SEC24B: variants seen among roughly 807,000 people sequenced by gnomAD.
The protein encoded by SEC24B is protein transport protein Sec24B.
SEC24B carries 45 observed loss-of-function variants against 142.8 expected under a neutral mutation model. The observed-to-expected ratio is 0.32, with a 90% CI of 0.25 to 0.40. The LOEUF is 0.40. SEC24B is among the 10% of genes least tolerant of loss of function. SEC24B has a pLI of 1.00. For synonymous variants in SEC24B, 574 were observed against 568.2 expected (o/e 1.01, Z -0.15); for missense variants, 1,409 against 1,526.8 (o/e 0.92, Z 1.29).
intron 1 of SEC24B, among the ~76,000 whole-genome samples, chr4:109,444,080 G>T (rs1394224793): frequency 1.3e-5 from 2 of 151,952 alleles, no homozygotes; most frequent in Non-Finnish European, 2.9e-5. Flanking sequence ...AAACTAGCTG[G>T]GTGTAGTGGC....
intron 18 of SEC24B, among the ~76,000 whole-genome samples, chr4:109,529,819 G>A (rs1007785145): frequency 6.6e-5 from 10 of 152,150 alleles, no homozygotes; most frequent in African/African-American, 2.4e-4. Flanking sequence ...CTGCAGCTTC[G>A]ACCTCCCAGG....
rs1487734673 is a variant in SEC24B, at chr4:109,540,090, TGTTA to T, written c.*416_*419del. On this transcript the variant is annotated 3_prime_UTR_variant, in exon 24 of 24. Transcript: ENST00000265175. ...GAGATGCCAAAAGGCATTGGTACCG[TGTTA>T]TTTGTTTATATGAATTACTTTTTAA... 1 of 153,966 alleles carries T rather than the reference TGTTA, an allele frequency of 6.5e-6. No individual in the cohort carries two copies. The highest frequency in any genetic ancestry group is 2.4e-5 in the African/African-American group (1 of 41,508). 9.5% of individuals were successfully genotyped at this position (153,966 alleles called of 1,614,324 possible). A position where few individuals can be genotyped will look rare whatever the true frequency, so the allele number is the denominator to read the frequency against.
chr4:109,441,366 A>G (rs1315842595), intron 1 of SEC24B, among the ~76,000 whole-genome samples: 1 of 152,318 alleles, frequency 6.6e-6, no homozygotes. Context: ...TGAGAAGCAT[A>G]TCAGATTATA....
At chr4:109,446,799 A>G (rs192734071) in intron 1 of SEC24B, among the ~76,000 whole-genome samples, 3 of 152,326 alleles carry the variant, frequency 2.0e-5, no homozygotes, top group Admixed American at 6.5e-5. Flanking sequence ...TTATTGATAC[A>G]TTGTGATAAG....
Position 109,494,799 on chromosome 4 carries a change from T to A in SEC24B, c.1431T>A (p.Leu477=). ...GTTATCAGAATGCTACAGCACCACT[T>A]ATTTCTGGAGTACAGCCCAGTAACC... ...QPGYQNATAP[L]ISGVQPSNPV... Residue 477 remains leucine, a synonymous_variant, in exon 6 of 24, where the codon CTT becomes CTA. Transcript: ENST00000265175. The A allele has an allele frequency of 6.2e-7, 1 of 1,614,164 alleles. No homozygotes were observed. The highest frequency in any genetic ancestry group is 8.5e-7 in the Non-Finnish European group (1 of 1,179,996).
intron 4 of SEC24B, among the ~76,000 whole-genome samples, chr4:109,485,671 G>A (rs752073350): frequency 1.2e-4 from 19 of 152,004 alleles, no homozygotes; most frequent in Admixed American, 2.0e-4. Context: ...AGCTTTAAAT[G>A]GAATTTTATT....
chr4:109,539,620 C>G lies in SEC24B; in HGVS notation c.3752C>G (p.Ala1251Gly), dbSNP rs1257122540. ...CATTTGATTGAAGACCGGACAGAGG[C>G]TGCATTTTCTTACTATGAATTTTTG... Reference protein sequence around the residue: ...FQHLIEDRTEAAFSYYEFLLH... With the variant: ...FQHLIEDRTEGAFSYYEFLLH... Residue 1251 changes from alanine (A) to glycine (G), a missense_variant, in exon 24 of 24, where the codon GCT (alanine) becomes GGT (glycine). Physicochemically the swap from Ala to Gly is moderately conservative, Grantham distance 60 (BLOSUM62 0). Transcript: ENST00000265175. 1 of 1,613,792 alleles carries G rather than the reference C, an allele frequency of 6.2e-7. No homozygotes were observed. The highest frequency in any genetic ancestry group is 2.2e-5 in the East Asian group (1 of 44,880).
intron 1 of SEC24B, 65 bp downstream of exon 1, chr4:109,434,067 T>TCGGGGCGGGG (rs1052008852): frequency 1.0e-6 from 1 of 992,944 alleles, no homozygotes; most frequent in African/African-American, 1.8e-5. Context: ...CACGGCCACA[T>TCGGGGCGGGG]CGGGGCGGGG....
chr4:109,477,257 C>A (rs36102563), intron 3 of SEC24B, among the ~76,000 whole-genome samples: 11,823 of 151,384 alleles, frequency 0.078, 590 homozygotes, highest in Middle Eastern at 0.18. Context: ...AGCAGTTATT[C>A]AAAATATTTT....
At chr4:109,464,401 G>T (rs1426740881) in intron 2 of SEC24B, among the ~76,000 whole-genome samples, 1 of 151,406 alleles carries the variant, frequency 6.6e-6, no homozygotes, top group Non-Finnish European at 1.5e-5. Context: ...TCCCATCTCA[G>T]CCCCACAAGT....
intron 6 of SEC24B, among the ~76,000 whole-genome samples, chr4:109,496,970 GA>G (rs1254496174): frequency 7.2e-5 from 11 of 151,748 alleles, no homozygotes; most frequent in African/African-American, 2.4e-4. Flanking sequence ...TGAGCAAGGA[GA>G]AAAAAAAATT....
intron 2 of SEC24B, among the ~76,000 whole-genome samples, chr4:109,466,652 C>T (rs1240408607): frequency 5.3e-5 from 8 of 152,138 alleles, no homozygotes; most frequent in East Asian, 3.9e-4. Flanking sequence ...CCTTGTGATC[C>T]GCCCGCCTTG....
intron 2 of SEC24B, among the ~76,000 whole-genome samples, chr4:109,471,893 C>T (rs943297956): frequency 1.3e-5 from 2 of 152,162 alleles, no homozygotes; most frequent in African/African-American, 4.8e-5. Flanking sequence ...AAGCCAGTCA[C>T]AGGGTTTGCT....
chr4:109,496,365 G>A (rs753143382), intron 6 of SEC24B, among the ~76,000 whole-genome samples: 6 of 152,174 alleles, frequency 3.9e-5, no homozygotes, highest in Admixed American at 6.5e-5. Context: ...CGCCTGCCTC[G>A]GCCTCCCAAA....
Position 109,519,449 on chromosome 4 carries a change from GT to G in SEC24B, c.2127-912del, listed in dbSNP as rs1723365883. On this transcript the variant is annotated intron_variant, in intron 11 of 23. Transcript: ENST00000265175. The stretch of plus-strand genomic sequence containing the variant: ...CAGAATAGCAACAAATGTATAATAT[GT>G]TTTTGGAAAGGGCTCTGGAAACTTC... Among the ~76,000 whole-genome samples the G allele has an allele frequency of 2.0e-5, 3 of 152,220 alleles. No individual in the cohort carries two copies. The South Asian group carries it at 6.2e-4, about 32-fold the overall frequency.
chr4:109,517,493 A>G (rs986300978), intron 11 of SEC24B, among the ~76,000 whole-genome samples: 1 of 152,160 alleles, frequency 6.6e-6, no homozygotes, highest in African/African-American at 2.4e-5. Context: ...AGTGTAAAAG[A>G]TAGGAGGAAT....
intron 7 of SEC24B, among the ~76,000 whole-genome samples, chr4:109,509,659 A>G (rs377236648): frequency 8.1e-5 from 12 of 147,816 alleles, no homozygotes; most frequent in African/African-American, 3.1e-4. Flanking sequence ...CCTGGGCGAC[A>G]GAGCAAGACT....
intron 1 of SEC24B, among the ~76,000 whole-genome samples, chr4:109,461,069 T>C (rs1731207000): frequency 6.6e-6 from 1 of 152,192 alleles, no homozygotes. Flanking sequence ...AACATTAGGC[T>C]AATTTTCTAC....
At chr4:109,472,357 A>G (rs1424785527) in intron 2 of SEC24B, among the ~76,000 whole-genome samples, 2 of 152,198 alleles carry the variant, frequency 1.3e-5, no homozygotes, top group Non-Finnish European at 1.5e-5. Flanking sequence ...TTTGCCTTCT[A>G]GGAGACATTT....
Sources: allele counts gnomAD v4.1 joint callset (sites outside exome capture counted in the v4.1 genomes callset), GRCh38; gene constraint gnomAD v4.1.1; transcripts MANE v1.5; gene names NCBI Gene and HGNC (gene_info 2026-07-23, HGNC 2026-07-21).